PIP5K1B: variants seen among roughly 807,000 people sequenced by gnomAD.
PIP5K1B encodes the protein phosphatidylinositol 4-phosphate 5-kinase type-1 beta.
A neutral mutation model predicts 67.0 loss-of-function variants in PIP5K1B; 42 were observed. The observed-to-expected ratio is 0.63, with a 90% confidence interval of 0.49 to 0.81. PIP5K1B has a LOEUF of 0.81. Among genes scored for constraint, PIP5K1B ranks in the 30% least tolerant of loss-of-function variants. The pLI, the probability that PIP5K1B is intolerant of heterozygous loss-of-function variation, is 0.00. For synonymous variants in PIP5K1B, 214 were observed against 231.4 expected, an observed-to-expected ratio of 0.92 and a Z score of 0.68; for missense variants, 459 against 646.3, an observed-to-expected ratio of 0.71 and a Z score of 3.14.
At chr9:68,901,157 C>A (rs1480787514) in intron 8 of PIP5K1B, among the ~76,000 whole-genome samples, 3 of 152,120 alleles carry the variant, frequency 2.0e-5, no homozygotes, top group Non-Finnish European at 4.4e-5. Context: ...TTTAAATTAT[C>A]CTCTCATCAA....
chr9:68,789,054 T>TG, intron 2 of PIP5K1B: 2 of 483,694 alleles, frequency 4.1e-6, no homozygotes, highest in South Asian at 1.9e-5. Context: ...AATCATCCCC[T>TG]GGGTTTCAGC....
chr9:68,970,786 A>G (rs1365002977), intron 14 of PIP5K1B, among the ~76,000 whole-genome samples: 1 of 152,178 alleles, frequency 6.6e-6, no homozygotes, highest in Non-Finnish European at 1.5e-5. Flanking sequence ...TGGCTGCCTA[A>G]CTGATATCCA....
At chr9:68,882,467 T>C (rs1824245217) in intron 6 of PIP5K1B, among the ~76,000 whole-genome samples, 1 of 152,198 alleles carries the variant, frequency 6.6e-6, no homozygotes, top group Non-Finnish European at 1.5e-5. Flanking sequence ...TAAAAGAATA[T>C]TTGACAATGT....
intron 12 of PIP5K1B, among the ~76,000 whole-genome samples, chr9:68,928,850 T>C (rs1216502215): frequency 6.6e-6 from 1 of 152,144 alleles, no homozygotes; most frequent in Non-Finnish European, 1.5e-5. Context: ...TTTTACTTAC[T>C]TAATGCCTGT....
intron 4 of PIP5K1B, among the ~76,000 whole-genome samples, chr9:68,832,787 A>G (rs7875396): frequency 0.34 from 52,078 of 151,890 alleles, 9,060 homozygotes; most frequent in Admixed American, 0.38. Flanking sequence ...TTGATGAGCT[A>G]CTCTTCCTCT....
rs61752950 is a variant in PIP5K1B at position 68,822,643 on chromosome 9, C to A, written c.29C>A (p.Ala10Glu). MSSAAENGE[A>E]APGKQNEEKT... is the part of the protein sequence containing the mutation. ...TCTTCTGCTGCTGAAAATGGAGAGG[C>A]AGCACCTGGAAAACAAAATGAAGAA... Residue 10 changes from alanine to glutamate, a missense_variant, in exon 4 of 16, where the codon GCA (alanine) becomes GAA (glutamate). Ala to Glu is a moderately radical substitution (Grantham distance 107). Transcript: ENST00000265382. 1.5e-4 allele frequency: 244 copies of A among 1,613,286 alleles called. No individual in the cohort carries two copies. Among genetic ancestry groups the A allele is most frequent in the Non-Finnish European group, 2.0e-4 (230 of 1,179,484 alleles).
At chr9:68,951,559 C>T (rs998781244) in intron 14 of PIP5K1B, among the ~76,000 whole-genome samples, 3 of 152,292 alleles carry the variant, frequency 2.0e-5, no homozygotes, top group Non-Finnish European at 2.9e-5. Context: ...TTTAGGGAAC[C>T]GGTCGAGCCT....
intron 12 of PIP5K1B, among the ~76,000 whole-genome samples, chr9:68,930,913 TAAC>T: frequency 6.6e-6 from 1 of 152,170 alleles, no homozygotes; most frequent in Non-Finnish European, 1.5e-5. Context: ...AATTTTTATC[TAAC>T]ACCACCATTT....
chr9:68,956,298 C>T (rs1188200708), intron 14 of PIP5K1B, among the ~76,000 whole-genome samples: 1 of 152,052 alleles, frequency 6.6e-6, no homozygotes, highest in Non-Finnish European at 1.5e-5. Flanking sequence ...TGGGAAAACC[C>T]CATCTCTAGA....
chr9:68,749,433 A>G (rs901608732), intron 2 of PIP5K1B, among the ~76,000 whole-genome samples: 3 of 152,196 alleles, frequency 2.0e-5, no homozygotes, highest in African/African-American at 4.8e-5. Context: ...CCAGCACCTC[A>G]GTTTCAGCCC....
chr9:68,792,462 GTTGTTGTTTGTTTGT>G (rs1564139732), intron 2 of PIP5K1B, among the ~76,000 whole-genome samples: 1 of 66,228 alleles, frequency 1.5e-5, no homozygotes, highest in Non-Finnish European at 3.0e-5. Flanking sequence ...GTGTTTTTTT[GTTGTTGTTTGTTTGT>G]TTGTTTGTTT....
chr9:68,781,736 A>G (rs1425455655), intron 2 of PIP5K1B: 1 of 166,856 alleles, frequency 6.0e-6, no homozygotes, highest in African/African-American at 2.4e-5. Flanking sequence ...AGAGAAAATA[A>G]AATTTTTTCC....
In PIP5K1B at chr9:68,865,718, T is replaced by C. The variant is rs78879390; in HGVS notation, c.200+1751T>C. Among the ~76,000 whole-genome samples the C allele has an allele frequency of 1.5e-3, 224 of 152,320 alleles. 6 individuals are homozygous for C. In the East Asian group the frequency reaches 0.041, roughly 28 times the overall value. ...CATGAGGTCCCCAAATCCTAAACAC[T>C]GGCACACCTGGAACTTGCTAGACAT... On this transcript the variant is annotated intron_variant, in intron 5 of 15. Coordinates refer to ENST00000265382, the MANE Select transcript of PIP5K1B (RefSeq NM_003558.4).
intron 14 of PIP5K1B, among the ~76,000 whole-genome samples, chr9:68,983,667 GCTCATGCC>G (rs1306909777): frequency 6.6e-6 from 1 of 152,194 alleles, no homozygotes; most frequent in Non-Finnish European, 1.5e-5. Flanking sequence ...AGCAGTAGTA[GCTCATGCC>G]TGTAATGGCA....
intron 1 of PIP5K1B, among the ~76,000 whole-genome samples, chr9:68,716,258 A>G (rs571065291): frequency 6.6e-6 from 1 of 152,358 alleles, no homozygotes; most frequent in South Asian, 2.1e-4. Context: ...CTGCACATCT[A>G]TGGAGAACTA....
intron 2 of PIP5K1B, among the ~76,000 whole-genome samples, chr9:68,797,477 T>C (rs1457516161): frequency 6.6e-6 from 1 of 152,240 alleles, no homozygotes; most frequent in Non-Finnish European, 1.5e-5. Flanking sequence ...TTGTTGGTGA[T>C]GGTGGTAGTG....
intron 1 of PIP5K1B, among the ~76,000 whole-genome samples, chr9:68,720,267 G>A (rs1827824741): frequency 6.6e-6 from 1 of 152,148 alleles, no homozygotes; most frequent in African/African-American, 2.4e-5. Context: ...CTTCCCCGAG[G>A]AGCAGCCTTG....
chr9:68,956,675 T>A lies in PIP5K1B; in HGVS notation c.1502+15885T>A, dbSNP rs141217584. Among the ~76,000 whole-genome samples, 792 of 152,334 alleles carry A rather than the reference T, an allele frequency of 5.2e-3. 8 individuals carry two copies. The highest frequency in any genetic ancestry group is 0.018 in the African/African-American group (732 of 41,570). ...TAGAGAATGTATGATATCTTATAAA[T>A]CTCATCACTTTCCATTGACAAGCAG... On this transcript the variant is annotated intron_variant, in intron 14 of 15. Coordinates refer to ENST00000265382, the MANE Select transcript of PIP5K1B (RefSeq NM_003558.4).
chr9:68,765,315 CTG>C (rs1241125606), intron 2 of PIP5K1B, among the ~76,000 whole-genome samples: 6 of 152,006 alleles, frequency 3.9e-5, no homozygotes, highest in Non-Finnish European at 8.8e-5. Context: ...GGAGATGAAA[CTG>C]TGTCATAAAA....
Sources: allele counts gnomAD v4.1 joint callset (sites outside exome capture counted in the v4.1 genomes callset), GRCh38; gene constraint gnomAD v4.1.1; transcripts MANE v1.5; gene names NCBI Gene and HGNC (gene_info 2026-07-23, HGNC 2026-07-21).